The following DDO variants were observed in gnomAD, a reference collection of about 807,000 sequenced individuals.
DDO encodes D-aspartate oxidase, DDO.
A neutral mutation model predicts 16.8 loss-of-function variants in DDO; 16 were observed. That is an observed-to-expected ratio of 0.95 (90% CI 0.65 to 1.45). The LOEUF is 1.45. DDO is among the 40% of genes most tolerant of loss of function. The probability of loss-of-function intolerance (pLI) is 0.00; values close to 1 mark genes in which losing one functional copy is unlikely to be tolerated. For missense variants in DDO, 429 were observed against 420.3 expected, an observed-to-expected ratio of 1.02 and a Z score of -0.18; for synonymous variants, 180 against 167.2, an observed-to-expected ratio of 1.08 and a Z score of -0.59.
At chr6:110,413,562 C>T (rs1200845391) in intron 1 of DDO, 96 bp from the exon 2 acceptor site, 2 of 1,281,248 alleles carry the variant, frequency 1.6e-6, no homozygotes, top group Non-Finnish European at 2.2e-6. Flanking sequence ...AGGTCTTCAG[C>T]CACTCAGAAT....
chr6:110,400,861 G>A (rs1452054471), intron 4 of DDO, among the ~76,000 whole-genome samples: 1 of 152,226 alleles, frequency 6.6e-6, no homozygotes, highest in Non-Finnish European at 1.5e-5. Context: ...ACCCCTGTCT[G>A]GCCCTTCTCC....
intron 4 of DDO, 113 bp from the exon 5 acceptor site, chr6:110,393,455 AC>A: frequency 7.0e-7 from 1 of 1,430,894 alleles, no homozygotes; most frequent in East Asian, 2.4e-5. Flanking sequence ...TGATGAACAA[AC>A]ACCTCAGGAG....
downstream of DDO, among the ~76,000 whole-genome samples, chr6:110,389,634 G>C (rs969574676): frequency 2.0e-5 from 3 of 152,166 alleles, no homozygotes; most frequent in African/African-American, 7.2e-5. Context: ...TTAACTAGAA[G>C]CAAAGCATCC....
At chr6:110,398,707 C>G (rs1003455246) in intron 4 of DDO, among the ~76,000 whole-genome samples, 5 of 151,956 alleles carry the variant, frequency 3.3e-5, no homozygotes, top group African/African-American at 9.7e-5. Context: ...TGAGTCAGGC[C>G]GAGCAGGAGA....
downstream of DDO, among the ~76,000 whole-genome samples, chr6:110,390,262 T>C (rs1294635099): frequency 6.6e-6 from 1 of 152,192 alleles, no homozygotes; most frequent in Non-Finnish European, 1.5e-5. Context: ...TTCTCAGCCC[T>C]GGCTCTCAGA....
At chr6:110,406,285 G>GCAGGCATGCATGCACACACACA (rs1773652852) in intron 3 of DDO, among the ~76,000 whole-genome samples, 1 of 151,858 alleles carries the variant, frequency 6.6e-6, no homozygotes, top group Non-Finnish European at 1.5e-5. Context: ...ACACACACAT[G>GCAGGCATGCATGCACACACACA]CACGCATGCA....
intron 2 of DDO, among the ~76,000 whole-genome samples, chr6:110,412,158 ATC>A (rs1169866245): frequency 2.0e-5 from 3 of 152,062 alleles, no homozygotes; most frequent in Non-Finnish European, 2.9e-5. Context: ...AGGCATGAGA[ATC>A]TCTTGAACCC....
downstream of DDO, among the ~76,000 whole-genome samples, chr6:110,391,098 G>T (rs1773090667): frequency 6.6e-6 from 1 of 152,242 alleles, no homozygotes; most frequent in South Asian, 2.1e-4. Context: ...TGCAAGGAAT[G>T]ATTATGACTG....
Position 110,392,914 on chromosome 6 carries a change from T to G in DDO, c.887A>C (p.Gln296Pro). 2 of 1,614,248 alleles carry G rather than the reference T, an allele frequency of 1.2e-6. No individual in the cohort carries two copies. Among genetic ancestry groups the G allele is most frequent in the Non-Finnish European group, 1.7e-6 (2 of 1,180,036 alleles). Reference sequence around the variant, plus strand: ...ATAGTGGTGGACTACAGGCAGCCTCTGTCCATCTCGCGCAAGGAGCTCTGT... The same window carrying G: ...ATAGTGGTGGACTACAGGCAGCCTCGGTCCATCTCGCGCAAGGAGCTCTGT... ...LQTELLARDGQRLPVVHHYGH... is the reference protein window; with the variant it reads ...LQTELLARDGPRLPVVHHYGH... Residue 296 changes from glutamine to proline, a missense_variant, in exon 5 of 5, where the codon CAG (glutamine) becomes CCG (proline). Coordinates refer to ENST00000368924, the MANE Select transcript of DDO (RefSeq NM_001372108.2).
intron 2 of DDO, among the ~76,000 whole-genome samples, chr6:110,409,119 C>T (rs574033677): frequency 6.6e-6 from 1 of 152,318 alleles, no homozygotes; most frequent in South Asian, 2.1e-4. Context: ...GTGCAGGGAC[C>T]ATACCATCCC....
rs1222174948 is a variant in DDO at position 110,398,429 on chromosome 6, T to TACACAAACACACCA, written c.459-5088_459-5087insTGGTGTGTTTGTGT. Among the ~76,000 whole-genome samples the TACACAAACACACCA allele has an allele frequency of 8.4e-3, 1,221 of 144,850 alleles. 11 individuals carry two copies. The highest frequency in any genetic ancestry group is 0.019 in the African/African-American group (726 of 37,800). ...ACACACACACACACACACACACACT[T>TACACAAACACACCA]GGCCTCCCAGGAGCAGAGTCCCCTC... On this transcript the variant is annotated intron_variant, in intron 4 of 4. Transcript: ENST00000368924.
intron 4 of DDO, among the ~76,000 whole-genome samples, chr6:110,396,766 A>G (rs1036888851): frequency 6.6e-6 from 1 of 152,226 alleles, no homozygotes; most frequent in African/African-American, 2.4e-5. Context: ...AAATATAGCA[A>G]ATTTTATGGG....
chr6:110,398,760 C>G (rs1279451778), intron 4 of DDO, among the ~76,000 whole-genome samples: 2 of 152,102 alleles, frequency 1.3e-5, no homozygotes, highest in Non-Finnish European at 2.9e-5. Context: ...TTAGAGGACT[C>G]CCCCAGAGAA....
intron 4 of DDO, 65 bp downstream of exon 4, chr6:110,404,709 G>T: frequency 6.5e-7 from 1 of 1,545,122 alleles, no homozygotes; most frequent in Non-Finnish European, 8.8e-7. Context: ...TGTATTTTAT[G>T]AATAGCTACG....
In DDO at chr6:110,404,821, T is replaced by G. The variant is rs146710485; in HGVS notation, c.411A>C (p.Thr137=). ...FPQYVFGQAF[T]TLKCECPAYL... ...AGGCAGGGCATTCACATTTCAGGGT[T>G]GTAAAAGCCTGACCAAACACATACT... The change falls in exon 4 of 5, where the codon ACA becomes ACC. Residue 137 remains threonine, a synonymous_variant. Coordinates refer to ENST00000368924, the MANE Select transcript of DDO (RefSeq NM_001372108.2). 4,349 of 1,614,202 alleles carry G rather than the reference T, an allele frequency of 2.7e-3. 10 individuals are homozygous for G. Among genetic ancestry groups the G allele is most frequent in the Non-Finnish European group, 3.3e-3 (3,919 of 1,180,040 alleles).
chr6:110,410,164 C>T (rs2114839235), intron 2 of DDO, among the ~76,000 whole-genome samples: 1 of 152,268 alleles, frequency 6.6e-6, no homozygotes, highest in South Asian at 2.1e-4. Flanking sequence ...AGGAAAGAAA[C>T]CCAAAGAGAA....
intron 4 of DDO, among the ~76,000 whole-genome samples, chr6:110,402,617 C>T (rs976721933): frequency 2.6e-5 from 4 of 152,154 alleles, no homozygotes; most frequent in Non-Finnish European, 5.9e-5. Context: ...TGAGATCACG[C>T]CACTGCACTT....
Position 110,412,253 on chromosome 6 carries a change from TA to T in DDO, c.172+1037del, listed in dbSNP as rs35501611. Among the ~76,000 whole-genome samples the T allele has an allele frequency of 6.7e-3, 979 of 145,694 alleles. 4 individuals carry two copies. Among genetic ancestry groups the T allele is most frequent in the East Asian group, 0.015 (75 of 5,000 alleles). ...TGGGTGACAGGGCAAGACTCTGTCTTAAAAAAAAAAAAAAATCCATGCATCT... is the reference window on the plus strand; with the variant it reads ...TGGGTGACAGGGCAAGACTCTGTCTTAAAAAAAAAAAAAATCCATGCATCT... On this transcript the variant is annotated intron_variant, in intron 2 of 4. Coordinates refer to ENST00000368924, the MANE Select transcript of DDO (RefSeq NM_001372108.2).
At chr6:110,409,499 A>G (rs558601838) in intron 2 of DDO, among the ~76,000 whole-genome samples, 1 of 152,300 alleles carries the variant, frequency 6.6e-6, no homozygotes, top group South Asian at 2.1e-4. Flanking sequence ...AGATAGAAAG[A>G]TCTTTGGAGA....
Sources: allele counts gnomAD v4.1 joint callset (sites outside exome capture counted in the v4.1 genomes callset), GRCh38; gene constraint gnomAD v4.1.1; transcripts MANE v1.5; gene names NCBI Gene and HGNC (gene_info 2026-07-23, HGNC 2026-07-21).